The following PTPN21 variants were observed in gnomAD, a reference collection of about 807,000 sequenced individuals.
The protein encoded by PTPN21 is tyrosine-protein phosphatase non-receptor type 21.
Under a neutral mutation model 131.8 loss-of-function variants are expected in PTPN21, and 77 were observed. The ratio of observed to expected loss-of-function variants is 0.58; its 90% CI spans 0.49 to 0.71. PTPN21 has a LOEUF of 0.71. PTPN21 is among the 30% of genes least tolerant of loss of function. The pLI, the probability that PTPN21 is intolerant of heterozygous loss-of-function variation, is 0.00. For missense variants in PTPN21, 1,552 were observed against 1,527.1 expected, an observed-to-expected ratio of 1.02 and a Z score of -0.27; for synonymous variants, 715 against 621.3, an observed-to-expected ratio of 1.15 and a Z score of -2.24.
At chr14:88,488,764 A>C (rs2077774291) in intron 10 of PTPN21, among the ~76,000 whole-genome samples, 1 of 152,162 alleles carries the variant, frequency 6.6e-6, no homozygotes, top group East Asian at 1.9e-4. Context: ...GCTGTAGTGC[A>C]CTACGATCCC....
intron 2 of PTPN21, among the ~76,000 whole-genome samples, chr14:88,523,908 A>G (rs983434024): frequency 1.3e-5 from 2 of 152,244 alleles, no homozygotes; most frequent in African/African-American, 4.8e-5. Flanking sequence ...ATATGTAGGA[A>G]TAAATTTGAC....
intron 13 of PTPN21, 37 bp from the exon 14 acceptor site, chr14:88,473,839 C>T (rs781759460): frequency 1.3e-6 from 2 of 1,544,506 alleles, no homozygotes; most frequent in African/African-American, 2.8e-5. Flanking sequence ...GAAATATACA[C>T]AAATACAACC....
chr14:88,504,700 C>A (rs2078062406), intron 5 of PTPN21, among the ~76,000 whole-genome samples: 1 of 152,122 alleles, frequency 6.6e-6, no homozygotes, highest in African/African-American at 2.4e-5. Context: ...AAAACTTGCC[C>A]CACCTTCTCA....
In PTPN21 at chr14:88,478,970, C is replaced by CTT; in HGVS notation, c.2460_2461insAA (p.Asp821LysfsTer17). 1 of 1,550,872 alleles carries CTT rather than the reference C, an allele frequency of 6.4e-7. No individual in the cohort carries two copies. Among genetic ancestry groups the CTT allele is most frequent in the Non-Finnish European group, 8.7e-7 (1 of 1,149,250 alleles). On this transcript the variant is annotated frameshift_variant, in exon 13 of 19. Coordinates refer to ENST00000556564, the MANE Select transcript of PTPN21 (RefSeq NM_007039.4). LOFTEE classifies it high-confidence loss of function. ...ATGTTCTTCTTCCCAGAGAGAAGGT[C>CTT]CGACACCGGCCTTTTCTTCAGAGAG... is the stretch of plus-strand genomic sequence containing the variant.
intron 8 of PTPN21, 130 bp from the exon 9 acceptor site, chr14:88,497,420 A>G: frequency 1.4e-6 from 1 of 721,468 alleles, no homozygotes; most frequent in Non-Finnish European, 2.3e-6. Flanking sequence ...AAAAACAAAA[A>G]ACAAAAAACA....
intron 12 of PTPN21, among the ~76,000 whole-genome samples, chr14:88,484,341 G>C (rs544647051): frequency 6.6e-6 from 1 of 151,954 alleles, no homozygotes; most frequent in East Asian, 1.9e-4. Context: ...CCCATACAGA[G>C]AGAGTATAGA....
intron 3 of PTPN21, among the ~76,000 whole-genome samples, chr14:88,508,895 T>C (rs1444727645): frequency 6.6e-6 from 1 of 152,192 alleles, no homozygotes; most frequent in African/African-American, 2.4e-5. Context: ...TTTCAATATA[T>C]AGGGCATCAG....
At chr14:88,545,471 C>A (rs1013161908) in intron 2 of PTPN21, among the ~76,000 whole-genome samples, 14 of 152,164 alleles carry the variant, frequency 9.2e-5, no homozygotes, top group Non-Finnish European at 2.1e-4. Context: ...ACTTGTGTCA[C>A]CACCTCCTTC....
intron 2 of PTPN21, among the ~76,000 whole-genome samples, chr14:88,549,249 A>T (rs2116444): frequency 0.95 from 144,559 of 152,262 alleles, 68,948 homozygotes; most frequent in Non-Finnish European, 1. Flanking sequence ...ACCTACCTTG[A>T]CTCTAAAAAA....
At chr14:88,523,713 C>T (rs895583785) in intron 2 of PTPN21, among the ~76,000 whole-genome samples, 10 of 119,392 alleles carry the variant, frequency 8.4e-5, no homozygotes, top group African/African-American at 2.7e-4. Context: ...ACCCCCCAAC[C>T]GTGACACACA....
At chr14:88,496,530 C>CACAT in intron 9 of PTPN21, 38 bp from the exon 10 acceptor site, 1 of 1,459,582 alleles carries the variant, frequency 6.9e-7, no homozygotes, top group Non-Finnish European at 9.6e-7. Context: ...TATGAAAGCA[C>CACAT]ACATACAACT....
At position 88,469,114 on chromosome 14, in the gene PTPN21, T is replaced by C; in HGVS notation, c.3236-38A>G. 6.4e-7 allele frequency: 1 copy of C among 1,572,610 alleles called. No individual in the cohort carries two copies. The highest frequency in any genetic ancestry group is 8.7e-7 in the Non-Finnish European group (1 of 1,151,710). On this transcript the variant is annotated intron_variant, in intron 17 of 18. Coordinates refer to ENST00000556564, the MANE Select transcript of PTPN21 (RefSeq NM_007039.4). The surrounding 1 kb of genome is among the most constrained non-coding windows in gnomAD (Gnocchi z 4.3). The stretch of plus-strand genomic sequence containing the variant: ...AATGAAATAGAAAAGTACTCAAGGA[T>C]CAAGGCGTATCACATTGTTGACTCA...
rs1338256812 is a variant in PTPN21 at position 88,486,961 on chromosome 14, A to G, written c.933-1119T>C. Among the ~76,000 whole-genome samples the G allele has an allele frequency of 4.1e-5, 6 of 146,932 alleles. No individual in the cohort carries two copies. In the Admixed American group the frequency reaches 4.1e-4, roughly 10 times the overall value. On this transcript the variant is annotated intron_variant, in intron 10 of 18. Coordinates refer to ENST00000556564, the MANE Select transcript of PTPN21 (RefSeq NM_007039.4). ...ATTGCACTCCAGCCTGGGCAACAAG[A>G]GCGAGATTCTAGCCTCAAAAAAAAA...
intron 6 of PTPN21, among the ~76,000 whole-genome samples, chr14:88,501,950 A>G (rs2078014781): frequency 6.6e-6 from 1 of 152,096 alleles, no homozygotes; most frequent in Non-Finnish European, 1.5e-5. Flanking sequence ...GCTCCACTGC[A>G]TGCCAGTCTG....
At position 88,528,060 on chromosome 14, in the gene PTPN21, C is replaced by T. The variant is rs531302037; in HGVS notation, c.181-10799G>A. 1.5e-4 allele frequency among the ~76,000 whole-genome samples: 23 copies of T among 152,072 alleles called. No homozygotes were observed. The South Asian group carries it at 4.8e-3, about 32-fold the overall frequency. ...GTTTTGGTAACTATAGGCTTGTAGT[C>T]CAGTTGGAAGTCGGGTAATGTGATG... On this transcript the variant is annotated intron_variant, in intron 2 of 18. Transcript: ENST00000556564.
rs1397505459 is a variant in PTPN21 at position 88,479,460 on chromosome 14, T to C, written c.1971A>G (p.Leu657=). The change falls in exon 13 of 19, where the codon CTA becomes CTG. Residue 657 remains leucine (L), a synonymous_variant. Transcript: ENST00000556564. ...LEGLRLKERT[L]SASAAEVAPR... The stretch of plus-strand genomic sequence containing the variant: ...GCGCCACCTCTGCCGCCGACGCGGA[T>C]AGGGTGCGCTCCTTGAGCCGCAGGC... 6.2e-7 allele frequency: 1 copy of C among 1,601,910 alleles called. No individual in the cohort carries two copies. Among genetic ancestry groups the C allele is most frequent in the Admixed American group, 1.7e-5 (1 of 59,768 alleles).
chr14:88,514,245 CT>C (rs1230313267), intron 3 of PTPN21, among the ~76,000 whole-genome samples: 5 of 152,066 alleles, frequency 3.3e-5, no homozygotes, highest in Non-Finnish European at 7.4e-5. Flanking sequence ...GTTTTTGCAG[CT>C]ATTTTCATAT....
intron 10 of PTPN21, among the ~76,000 whole-genome samples, chr14:88,491,869 A>C (rs1415711362): frequency 6.6e-6 from 1 of 152,216 alleles, no homozygotes; most frequent in Non-Finnish European, 1.5e-5. Flanking sequence ...TAGGTATAGC[A>C]TATGCAACTG....
chr14:88,497,702 C>T (rs1050095214), intron 8 of PTPN21, among the ~76,000 whole-genome samples: 1 of 151,908 alleles, frequency 6.6e-6, no homozygotes, highest in Non-Finnish European at 1.5e-5. Flanking sequence ...TGGTGTGAAC[C>T]CGGGAGGCAG....
Sources: gnomAD v4.1 joint callset for allele counts (sites outside exome capture counted in the v4.1 genomes callset) on GRCh38, gnomAD v4.1.1 for gene constraint, Gnocchi (gnomAD v3.1) non-coding constraint, MANE v1.5 for transcripts, NCBI Gene and HGNC (gene_info 2026-07-23, HGNC 2026-07-21) for gene names.